Variants in KCND2 observed in about 807,000 individuals in gnomAD.
KCND2 encodes the protein potassium voltage-gated channel subfamily D member 2.
Under a neutral mutation model 54.4 loss-of-function variants are expected in KCND2, and 16 were observed. The ratio of observed to expected loss-of-function variants is 0.29; its 90% CI spans 0.20 to 0.45. The LOEUF (loss-of-function observed/expected upper bound fraction) is 0.45. KCND2 is among the 20% of genes least tolerant of loss of function. KCND2 has a pLI of 1.00. For missense variants in KCND2, 486 were observed against 824.2 expected, an observed-to-expected ratio of 0.59 and a Z score of 5.02; for synonymous variants, 317 against 310.7, an observed-to-expected ratio of 1.02 and a Z score of -0.21.
intron 1 of KCND2, among the ~76,000 whole-genome samples, chr7:120,732,518 G>T (rs1331573836): frequency 6.6e-6 from 1 of 152,010 alleles, no homozygotes; most frequent in Admixed American, 6.6e-5. Context: ...ATTGAATGTT[G>T]AAAAAACTAA....
rs147247478 is a variant in KCND2, at chr7:120,293,846, G to T, written c.1115+18099G>T. On this transcript the variant is annotated intron_variant, in intron 1 of 5. Transcript: ENST00000331113. ...GTGCATTATCTGTAGAAGCACATAG[G>T]GTCAACAATTATTTATATTTGTCAA... 4.6e-4 allele frequency among the ~76,000 whole-genome samples: 70 copies of T among 151,900 alleles called. 1 individual carries two copies. Among genetic ancestry groups the T allele is most frequent in the African/African-American group, 1.6e-3 (67 of 41,484 alleles).
intron 1 of KCND2, among the ~76,000 whole-genome samples, chr7:120,389,136 A>C (rs1801036307): frequency 6.6e-6 from 1 of 151,886 alleles, no homozygotes; most frequent in Non-Finnish European, 1.5e-5. Context: ...TAGGGGAAAA[A>C]AAAGATGAGA....
intron 1 of KCND2, among the ~76,000 whole-genome samples, chr7:120,383,775 A>C (rs948733836): frequency 6.6e-6 from 1 of 152,138 alleles, no homozygotes; most frequent in African/African-American, 2.4e-5. Context: ...AACTACAGGA[A>C]CAGTCTCTTG....
intron 1 of KCND2, among the ~76,000 whole-genome samples, chr7:120,412,178 A>G (rs1801460274): frequency 6.6e-6 from 1 of 152,084 alleles, no homozygotes; most frequent in Non-Finnish European, 1.5e-5. Context: ...GCTAAACTTT[A>G]TAACTGAGTC....
chr7:120,699,520 A>G (rs1792374630), intron 1 of KCND2, among the ~76,000 whole-genome samples: 1 of 152,216 alleles, frequency 6.6e-6, no homozygotes, highest in Non-Finnish European at 1.5e-5. Flanking sequence ...CAAGGTGAAA[A>G]TATTAAACAC....
chr7:120,312,791 A>G (rs930441473), intron 1 of KCND2, among the ~76,000 whole-genome samples: 7 of 152,200 alleles, frequency 4.6e-5, no homozygotes, highest in African/African-American at 1.7e-4. Flanking sequence ...CCTAGAAATA[A>G]TAGCCACAAA....
At chr7:120,506,090 T>C (rs1285092653) in intron 1 of KCND2, among the ~76,000 whole-genome samples, 1 of 151,752 alleles carries the variant, frequency 6.6e-6, no homozygotes, top group Non-Finnish European at 1.5e-5. Flanking sequence ...ACCTTCCTTT[T>C]CAAAGCCAGA....
At chr7:120,303,724 A>G (rs1426102083) in intron 1 of KCND2, among the ~76,000 whole-genome samples, 1 of 152,194 alleles carries the variant, frequency 6.6e-6, no homozygotes, top group African/African-American at 2.4e-5. Flanking sequence ...TGTGGGTGAA[A>G]GAGAGAATGT....
intron 1 of KCND2, among the ~76,000 whole-genome samples, chr7:120,336,299 T>C (rs975426748): frequency 3.9e-5 from 6 of 152,212 alleles, no homozygotes; most frequent in African/African-American, 1.4e-4. Flanking sequence ...TTTGGGATTT[T>C]CTGAAGATTG....
intron 1 of KCND2, among the ~76,000 whole-genome samples, chr7:120,580,722 A>C (rs1156888610): frequency 1.3e-5 from 2 of 152,182 alleles, no homozygotes; most frequent in Non-Finnish European, 2.9e-5. Flanking sequence ...AAGCTACTTT[A>C]CTATCTTATA....
intron 1 of KCND2, among the ~76,000 whole-genome samples, chr7:120,722,939 A>T (rs1025563285): frequency 6.6e-6 from 1 of 152,166 alleles, no homozygotes; most frequent in East Asian, 1.9e-4. Context: ...GTGGCTGGTT[A>T]TAAGAAAACA....
At chr7:120,590,932 T>A (rs1319093291) in intron 1 of KCND2, among the ~76,000 whole-genome samples, 2 of 152,178 alleles carry the variant, frequency 1.3e-5, no homozygotes, top group Non-Finnish European at 2.9e-5. Context: ...AAAAACTGTC[T>A]TGTGTTTATC....
Position 120,482,804 on chromosome 7 carries a change from C to CA in KCND2, c.1115+207065dup, listed in dbSNP as rs201823405. Among the ~76,000 whole-genome samples the CA allele has an allele frequency of 7.9e-3, 1,192 of 151,348 alleles. 12 individuals carry two copies. The highest frequency in any genetic ancestry group is 0.023 in the African/African-American group (947 of 41,254). ...AGTCTGTGGCATTCTGTTATAGCAG[C>CA]AAAAAAAACAGGCTAAAACAACACT... On this transcript the variant is annotated intron_variant, in intron 1 of 5. Coordinates refer to ENST00000331113, the MANE Select transcript of KCND2 (RefSeq NM_012281.3).
intron 1 of KCND2, among the ~76,000 whole-genome samples, chr7:120,359,821 T>C (rs2116398612): frequency 6.6e-6 from 1 of 152,162 alleles, no homozygotes; most frequent in African/African-American, 2.4e-5. Context: ...GATGCTGTTC[T>C]CGTGATAGTG....
At position 120,596,760 on chromosome 7, in the gene KCND2, T is replaced by TA. The variant is rs569127412; in HGVS notation, c.1116-136137dup. On this transcript the variant is annotated intron_variant, in intron 1 of 5. Coordinates refer to ENST00000331113, the MANE Select transcript of KCND2 (RefSeq NM_012281.3). ...TAGTTCCTGGGTAATTGTTGTATAC[T>TA]AAAAAATCAGTAAGATTCAGTGTCC... 2.0e-3 allele frequency among the ~76,000 whole-genome samples: 305 copies of TA among 152,298 alleles called. 7 individuals are homozygous for TA. The South Asian group carries it at 0.06, about 30-fold the overall frequency.
At chr7:120,425,609 G>T (rs887546467) in intron 1 of KCND2, among the ~76,000 whole-genome samples, 5 of 152,252 alleles carry the variant, frequency 3.3e-5, no homozygotes, top group South Asian at 2.1e-4. Flanking sequence ...CTCTCGCAGG[G>T]TTTTCTCTGT....
chr7:120,522,235 C>T (rs534328574), intron 1 of KCND2, among the ~76,000 whole-genome samples: 1 of 152,272 alleles, frequency 6.6e-6, no homozygotes, highest in South Asian at 2.1e-4. Flanking sequence ...TGTATGTTAG[C>T]TTTCATTTGA....
chr7:120,695,819 C>G (rs111282752), intron 1 of KCND2, among the ~76,000 whole-genome samples: 140 of 152,184 alleles, frequency 9.2e-4, no homozygotes, highest in African/African-American at 3.2e-3. Context: ...TGCAAAGTAT[C>G]TCAAAGTAGA....
At chr7:120,565,530 T>TG in intron 1 of KCND2, among the ~76,000 whole-genome samples, 1 of 152,184 alleles carries the variant, frequency 6.6e-6, no homozygotes, top group Non-Finnish European at 1.5e-5. Context: ...ACAAGGTTTC[T>TG]CTGAAAAGCT....
Sources: gnomAD v4.1 joint callset for allele counts (sites outside exome capture counted in the v4.1 genomes callset) on GRCh38, gnomAD v4.1.1 for gene constraint, MANE v1.5 for transcripts, NCBI Gene and HGNC (gene_info 2026-07-23, HGNC 2026-07-21) for gene names.